Variants in OR5V1 observed in about 807,000 individuals in gnomAD.
OR5V1 encodes the protein olfactory receptor family 5 subfamily V member 1.
For synonymous variants in OR5V1, 134 were observed against 143.2 expected (o/e 0.94, Z 0.46); for missense variants, 365 against 371.5 (o/e 0.98, Z 0.14).
chr6:29,367,615 G>T (rs995909639), intron 1 of OR5V1, among the ~76,000 whole-genome samples: 3 of 152,116 alleles, frequency 2.0e-5, no homozygotes, highest in Admixed American at 2.0e-4. Context: ...AGAGGAGTCT[G>T]TAATTTATGG....
At chr6:29,364,414 T>G (rs1236489566) in intron 1 of OR5V1, among the ~76,000 whole-genome samples, 3 of 152,138 alleles carry the variant, frequency 2.0e-5, no homozygotes, top group Admixed American at 2.0e-4. Flanking sequence ...AAGCTACCAT[T>G]GATTTTCTTC....
intron 1 of OR5V1, among the ~76,000 whole-genome samples, chr6:29,359,282 A>G (rs866773870): frequency 1.1e-4 from 16 of 152,352 alleles, no homozygotes; most frequent in Middle Eastern, 6.8e-3. Flanking sequence ...GCACACAATG[A>G]AAGAGACATA....
chr6:29,362,762 GACAATAAACTATA>G (rs1180107314), intron 1 of OR5V1, among the ~76,000 whole-genome samples: 4 of 152,080 alleles, frequency 2.6e-5, no homozygotes, highest in Admixed American at 2.6e-4. Context: ...AGAACAAAGA[GACAATAAACTATA>G]ATCTCAGGGA....
Position 29,354,355 on chromosome 6 carries a change from C to A in OR5V1, c.*875G>T, listed in dbSNP as rs770465811. ...ATAACTGTACTTTACATGGTAATAA[C>A]ACATAGAAAATAGTAATTAAGTACT... On this transcript the variant is annotated 3_prime_UTR_variant, in exon 2 of 2. Coordinates refer to ENST00000641768, the MANE Select transcript of OR5V1 (RefSeq NM_030876.6). The A allele has an allele frequency of 4.6e-5, 7 of 152,014 alleles. No individual in the cohort carries two copies. The highest frequency in any genetic ancestry group is 1.0e-4 in the Non-Finnish European group (7 of 67,952). The allele number at this position is 152,014 out of a possible 1,614,324, so 9.4% of individuals were successfully genotyped here.
intron 1 of OR5V1, among the ~76,000 whole-genome samples, chr6:29,367,121 G>C (rs2151282429): frequency 6.6e-6 from 1 of 151,986 alleles, no homozygotes; most frequent in Admixed American, 6.6e-5. Flanking sequence ...TTTCAGAATA[G>C]CCTCTTAATT....
intron 1 of OR5V1, among the ~76,000 whole-genome samples, chr6:29,362,383 C>A (rs558962376): frequency 6.6e-6 from 1 of 152,246 alleles, no homozygotes; most frequent in African/African-American, 2.4e-5. Flanking sequence ...ATCAATGAGA[C>A]AGAAAATTAT....
chr6:29,361,565 C>T (rs995710833), intron 1 of OR5V1, among the ~76,000 whole-genome samples: 1 of 152,104 alleles, frequency 6.6e-6, no homozygotes, highest in African/African-American at 2.4e-5. Context: ...GGAAGCCCAT[C>T]AGACTAACAG....
chr6:29,360,989 T>G (rs536733509), intron 1 of OR5V1, among the ~76,000 whole-genome samples: 12 of 152,302 alleles, frequency 7.9e-5, no homozygotes, highest in Admixed American at 7.8e-4. Context: ...CAAACTCCAT[T>G]GAGCTAAAGG....
At chr6:29,359,957 C>G (rs1278354388) in intron 1 of OR5V1, among the ~76,000 whole-genome samples, 1 of 152,192 alleles carries the variant, frequency 6.6e-6, no homozygotes, top group Non-Finnish European at 1.5e-5. Context: ...GGGCTGAAGC[C>G]AAGTGCTCTC....
Position 29,355,433 on chromosome 6 carries a change from C to A in OR5V1, c.763G>T (p.Ala255Ser), listed in dbSNP as rs141436521. ...ATGGGCCGTACATATGTAAAGATGG[C>A]GCTGCCATAAAAGAGAAAGACAATG... ...LAIVFLFYGS[A>S]IFTYVRPIST... The change falls in exon 2 of 2, where the codon GCC becomes TCC. Residue 255 changes from alanine to serine, a missense_variant. Transcript: ENST00000641768. 1.2e-6 allele frequency: 2 copies of A among 1,613,926 alleles called. No individual in the cohort carries two copies. The highest frequency in any genetic ancestry group is 2.2e-5 in the South Asian group (2 of 91,070).
In OR5V1 at chr6:29,356,070, A is replaced by G; in HGVS notation, c.126T>C (p.Asn42=). 4 of 1,614,024 alleles carry G rather than the reference A, an allele frequency of 2.5e-6. No individual in the cohort carries two copies. The African/African-American group carries it at 4.0e-5, about 16-fold the overall frequency. ...TCACAGTCGTCAAGATAATTAATAT[A>G]TTTCCTCCCAAAGTACAGAAATAAG... ...FLTYFCTLGG[N]ILIILTTVTD... The change falls in exon 2 of 2, where the codon AAT becomes AAC. Residue 42 remains asparagine, a synonymous_variant. Coordinates refer to ENST00000641768, the MANE Select transcript of OR5V1 (RefSeq NM_030876.6).
chr6:29,356,390 T>C (rs1204998246), intron 1 of OR5V1, 113 bp from the exon 2 acceptor site: 1 of 548,610 alleles, frequency 1.8e-6, no homozygotes, highest in Non-Finnish European at 3.1e-6. Context: ...GCAACACAGA[T>C]ATAAATACAT....
intron 1 of OR5V1, among the ~76,000 whole-genome samples, chr6:29,365,009 G>A (rs1778780230): frequency 6.6e-6 from 1 of 150,858 alleles, no homozygotes; most frequent in African/African-American, 2.4e-5. Flanking sequence ...TGACAAACCT[G>A]AAAAAACCTG....
intron 1 of OR5V1, among the ~76,000 whole-genome samples, chr6:29,367,321 C>T (rs1778901993): frequency 6.6e-6 from 1 of 151,790 alleles, no homozygotes; most frequent in East Asian, 1.9e-4. Flanking sequence ...ACACAACATA[C>T]TTATTTGTGT....
intron 1 of OR5V1, among the ~76,000 whole-genome samples, chr6:29,366,722 C>T (rs1562935818): frequency 6.6e-6 from 1 of 152,110 alleles, no homozygotes; most frequent in Non-Finnish European, 1.5e-5. Flanking sequence ...TAAGGGGCCC[C>T]ATTTTTCTTG....
chr6:29,359,565 G>A (rs1399578680), intron 1 of OR5V1, among the ~76,000 whole-genome samples: 1 of 152,188 alleles, frequency 6.6e-6, no homozygotes, highest in Non-Finnish European at 1.5e-5. Context: ...CTCCCAGTGA[G>A]ACCAATGCAG....
chr6:29,356,391 A>G (rs1264377746), intron 1 of OR5V1, 114 bp from the exon 2 acceptor site: 3 of 549,174 alleles, frequency 5.5e-6, no homozygotes, highest in Non-Finnish European at 9.3e-6. Context: ...CAACACAGAT[A>G]TAAATACATC....
At chr6:29,365,885 C>G (rs1778828421) in intron 1 of OR5V1, among the ~76,000 whole-genome samples, 1 of 152,080 alleles carries the variant, frequency 6.6e-6, no homozygotes, top group Admixed American at 6.6e-5. Context: ...TTTAAAGTAG[C>G]AAAGACTTGG....
intron 1 of OR5V1, among the ~76,000 whole-genome samples, chr6:29,360,791 A>G (rs1778531137): frequency 6.6e-6 from 1 of 152,212 alleles, no homozygotes. Flanking sequence ...CTCAAAGATC[A>G]AAGGTAGATA....
Sources: allele counts gnomAD v4.1 joint callset (sites outside exome capture counted in the v4.1 genomes callset), GRCh38; gene constraint gnomAD v4.1.1; transcripts MANE v1.5; gene names NCBI Gene and HGNC (gene_info 2026-07-23, HGNC 2026-07-21).